TMCO1: variants seen among roughly 807,000 people sequenced by gnomAD.
TMCO1 encodes transmembrane and coiled-coil domains 1.
A neutral mutation model predicts 29.3 loss-of-function variants in TMCO1; 29 were observed. That is an observed-to-expected ratio of 0.99 (90% confidence interval 0.74 to 1.35). The LOEUF (loss-of-function observed/expected upper bound fraction) is 1.35. Ranked by LOEUF, TMCO1 falls within the 40% of genes most tolerant of loss-of-function variation. The pLI, the probability that TMCO1 is intolerant of heterozygous loss-of-function variation, is 0.00. For missense variants in TMCO1, 173 were observed against 225.5 expected, an observed-to-expected ratio of 0.77 and a Z score of 1.49; for synonymous variants, 80 against 77.1, an observed-to-expected ratio of 1.04 and a Z score of -0.20.
At chr1:165,731,363 G>A (rs547362468) in intron 6 of TMCO1, among the ~76,000 whole-genome samples, 2 of 152,220 alleles carry the variant, frequency 1.3e-5, no homozygotes, top group East Asian at 3.9e-4. Context: ...AGGCATTAAG[G>A]GAAATTGCTT....
At chr1:165,730,173 CAA>C (rs564225543) in intron 6 of TMCO1, among the ~76,000 whole-genome samples, 1 of 133,762 alleles carries the variant, frequency 7.5e-6, no homozygotes. Flanking sequence ...TACACACACA[CAA>C]AAAAAAAAAA....
At position 165,746,084 on chromosome 1, in the gene TMCO1, A is replaced by T. The variant is rs530375724; in HGVS notation, c.324-2773T>A. Among the ~76,000 whole-genome samples, 377 of 152,212 alleles carry T rather than the reference A, an allele frequency of 2.5e-3. 3 individuals carry two copies. The highest frequency in any genetic ancestry group is 8.7e-3 in the African/African-American group (362 of 41,546). On this transcript the variant is annotated intron_variant, in intron 5 of 6. Coordinates refer to ENST00000367881, the MANE Select transcript of TMCO1 (RefSeq NM_019026.6). ...ATCACGAGGTCAGGAGTTTGAGACC[A>T]GCCTGGCCAATATGGTGGAACCCCC...
At chr1:165,768,361 C>T in intron 1 of TMCO1, 92 bp from the exon 2 acceptor site, 1 of 1,517,014 alleles carries the variant, frequency 6.6e-7, no homozygotes, top group South Asian at 1.1e-5. Context: ...GGAATTCCAA[C>T]TTTTCGCTTT....
In TMCO1 at chr1:165,768,368, C is replaced by T. The variant is rs1050016909; in HGVS notation, c.71-99G>A. 1.8e-5 allele frequency: 27 copies of T among 1,505,138 alleles called. No homozygotes were observed. In the African/African-American group the frequency reaches 3.5e-4, roughly 19 times the overall value. 93.2% of individuals were successfully genotyped at this position (1,505,138 alleles called of 1,614,324 possible). ...GAGAAGGAGGAATTCCAACTTTTCG[C>T]TTTGTATTTACCCATAGTTAACTTT... On this transcript the variant is annotated intron_variant, in intron 1 of 6. Coordinates refer to ENST00000367881, the MANE Select transcript of TMCO1 (RefSeq NM_019026.6).
downstream of TMCO1, chr1:165,725,018 CTCTCTCT>C (rs1650804817): frequency 7.3e-6 from 1 of 137,360 alleles, no homozygotes; most frequent in Admixed American, 9.6e-5. Context: ...CTCTCTCTCT[CTCTCTCT>C]ATATATATAT....
At position 165,743,160 on chromosome 1, in the gene TMCO1, C is replaced by T. The variant is rs1250115919; in HGVS notation, c.468+7G>A. 5 of 1,613,786 alleles carry T rather than the reference C, an allele frequency of 3.1e-6. No homozygotes were observed. The highest frequency in any genetic ancestry group is 4.2e-6 in the Non-Finnish European group (5 of 1,179,936). On this transcript the variant is annotated splice_region_variant and intron_variant, in intron 6 of 6. Coordinates refer to ENST00000367881, the MANE Select transcript of TMCO1 (RefSeq NM_019026.6). ...ATACATATTAAATGGTAGATGTGATCACTCACCTGTCGAATCGACATAGTA... is the reference window on the plus strand; with the variant it reads ...ATACATATTAAATGGTAGATGTGATTACTCACCTGTCGAATCGACATAGTA...
intron 6 of TMCO1, among the ~76,000 whole-genome samples, chr1:165,738,581 T>C (rs117846367): frequency 6.6e-6 from 1 of 152,326 alleles, no homozygotes; most frequent in East Asian, 1.9e-4. Context: ...TATTCCATGA[T>C]AACACTTCAA....
chr1:165,726,911 TG>T lies in TMCO1; in HGVS notation c.*1111del, dbSNP rs1558026098. The T allele has an allele frequency of 6.6e-6, 3 of 454,126 alleles. No homozygotes were observed. The highest frequency in any genetic ancestry group is 8.8e-6 in the Non-Finnish European group (2 of 226,784). 28.1% of individuals were successfully genotyped at this position (454,126 alleles called of 1,614,324 possible). On this transcript the variant is annotated 3_prime_UTR_variant, in exon 7 of 7. Coordinates refer to ENST00000367881, the MANE Select transcript of TMCO1 (RefSeq NM_019026.6). The stretch of plus-strand genomic sequence containing the variant: ...CTTTTCTACTGTCTTCTGGACTTTA[TG>T]GTGCTGATAAGAAAGAAGTTTGCTG...
intron 5 of TMCO1, among the ~76,000 whole-genome samples, chr1:165,745,459 A>G (rs1282042501): frequency 7.5e-6 from 1 of 133,854 alleles, no homozygotes; most frequent in African/African-American, 2.8e-5. Flanking sequence ...CAACATGGCG[A>G]AACCCTATCT....
intron 6 of TMCO1, among the ~76,000 whole-genome samples, chr1:165,739,171 G>A (rs1400230178): frequency 6.6e-6 from 1 of 152,064 alleles, no homozygotes; most frequent in African/African-American, 2.4e-5. Flanking sequence ...TACCAGTCTA[G>A]GATCTGCAGA....
chr1:165,744,790 CAAAAAA>C (rs558392976), intron 5 of TMCO1, among the ~76,000 whole-genome samples: 1 of 104,012 alleles, frequency 9.6e-6, no homozygotes, highest in Admixed American at 1.1e-4. Flanking sequence ...AACTCCATCT[CAAAAAA>C]AAAAAAAAAA....
At chr1:165,754,083 T>C in intron 4 of TMCO1, 145 bp downstream of exon 4, 1 of 683,332 alleles carries the variant, frequency 1.5e-6, no homozygotes, top group Non-Finnish European at 2.6e-6. Context: ...TCACTTCCAT[T>C]TGGTCCAGGA....
At chr1:165,743,409 C>A in intron 5 of TMCO1, 98 bp from the exon 6 acceptor site, 1 of 1,252,774 alleles carries the variant, frequency 8.0e-7, no homozygotes, top group South Asian at 1.4e-5. Flanking sequence ...AGCTTTAAGT[C>A]TCTGATCTCT....
chr1:165,768,303 A>C lies in TMCO1; in HGVS notation c.71-34T>G, dbSNP rs750604885. 3 of 1,585,416 alleles carry C rather than the reference A, an allele frequency of 1.9e-6. No individual in the cohort carries two copies. In the East Asian group the frequency reaches 6.7e-5, roughly 35 times the overall value. ...TTAAAAGCAACATGTTAATAGAGAA[A>C]TGACTGGAATGATCACAACAAACAA... On this transcript the variant is annotated intron_variant, in intron 1 of 6. Transcript: ENST00000367881.
At chr1:165,734,750 G>A (rs1012295833) in intron 6 of TMCO1, among the ~76,000 whole-genome samples, 18 of 152,102 alleles carry the variant, frequency 1.2e-4, no homozygotes, top group Non-Finnish European at 2.2e-4. Context: ...TGATCCACCT[G>A]CCTTGGCCTC....
upstream of TMCO1, chr1:165,768,907 C>T (rs1462179478): frequency 1.9e-6 from 3 of 1,544,632 alleles, no homozygotes; most frequent in Non-Finnish European, 2.6e-6. Flanking sequence ...CGGGGCATAG[C>T]ACCGGAAAGG....
At chr1:165,768,043 C>T in intron 2 of TMCO1, 149 bp downstream of exon 2, 1 of 727,736 alleles carries the variant, frequency 1.4e-6, no homozygotes, top group Non-Finnish European at 2.4e-6. Flanking sequence ...GTTGGTATTA[C>T]ACATTTTGCA....
At chr1:165,742,955 G>T (rs1651649898) in intron 6 of TMCO1, among the ~76,000 whole-genome samples, 2 of 152,092 alleles carry the variant, frequency 1.3e-5, no homozygotes, top group African/African-American at 4.8e-5. Context: ...ATCCATGTTT[G>T]GTTTTATCAC....
intron 2 of TMCO1, among the ~76,000 whole-genome samples, chr1:165,760,791 C>A (rs1197884432): frequency 2.0e-5 from 3 of 151,780 alleles, no homozygotes; most frequent in Non-Finnish European, 4.4e-5. Flanking sequence ...CAGAGCGAGA[C>A]CCCATCTCAA....
Sources: gnomAD v4.1 joint callset for allele counts (sites outside exome capture counted in the v4.1 genomes callset) on GRCh38, gnomAD v4.1.1 for gene constraint, MANE v1.5 for transcripts, NCBI Gene and HGNC (gene_info 2026-07-23, HGNC 2026-07-21) for gene names.